The following PSMB2 variants were observed in gnomAD, a reference collection of about 807,000 sequenced individuals.
The protein encoded by PSMB2 is proteasome 20S subunit beta 2.
A neutral mutation model predicts 25.7 loss-of-function variants in PSMB2; 13 were observed. The observed-to-expected ratio is 0.51, with a 90% CI of 0.33 to 0.80. The LOEUF (loss-of-function observed/expected upper bound fraction) is 0.80. Ranked by LOEUF, PSMB2 falls within the 30% of genes least tolerant of loss-of-function variation. The probability of loss-of-function intolerance (pLI) is 0.02; values close to 1 mark genes in which losing one functional copy is unlikely to be tolerated. For synonymous variants in PSMB2, 87 were observed against 96.2 expected (o/e 0.90, Z 0.56); for missense variants, 202 against 259.0 (o/e 0.78, Z 1.51).
intron 2 of PSMB2, 55 bp downstream of exon 2, chr1:35,636,255 G>C (rs1369464212): frequency 2.6e-5 from 42 of 1,602,488 alleles, no homozygotes; most frequent in Non-Finnish European, 3.5e-5. Context: ...TGTGACTTTA[G>C]TAATGGCAGC....
At chr1:35,623,049 G>T (rs1172626660) in intron 3 of PSMB2, among the ~76,000 whole-genome samples, 3 of 152,152 alleles carry the variant, frequency 2.0e-5, no homozygotes, top group African/African-American at 7.2e-5. Flanking sequence ...AGCACAAAGT[G>T]TTGTCATATT....
chr1:35,638,402 G>C (rs1651304768), intron 1 of PSMB2, among the ~76,000 whole-genome samples: 1 of 152,174 alleles, frequency 6.6e-6, no homozygotes, highest in African/African-American at 2.4e-5. Flanking sequence ...AACTGAACTA[G>C]AATCCAAGAG....
chr1:35,604,712 G>A (rs543102025), intron 5 of PSMB2, among the ~76,000 whole-genome samples: 6 of 152,222 alleles, frequency 3.9e-5, no homozygotes, highest in East Asian at 3.9e-4. Context: ...ACCCAGAGGC[G>A]GAGGTTGCAG....
intron 3 of PSMB2, among the ~76,000 whole-genome samples, chr1:35,630,074 T>C (rs547586829): frequency 6.6e-6 from 1 of 152,030 alleles, no homozygotes; most frequent in African/African-American, 2.4e-5. Context: ...ACTTGGGAAA[T>C]GGAGGCAGGA....
intron 3 of PSMB2, among the ~76,000 whole-genome samples, chr1:35,621,273 G>A (rs761160631): frequency 1.3e-5 from 2 of 152,146 alleles, no homozygotes; most frequent in Non-Finnish European, 2.9e-5. Flanking sequence ...AGTACCCTGT[G>A]TATATGGCTA....
At chr1:35,631,542 G>A in intron 2 of PSMB2, 198 bp from the exon 3 acceptor site, 1 of 1,367,312 alleles carries the variant, frequency 7.3e-7, no homozygotes. Context: ...AGTACTGACA[G>A]CAATTCTTGG....
chr1:35,604,223 T>C lies in PSMB2; in HGVS notation c.499-849A>G, dbSNP rs540241506. Among the ~76,000 whole-genome samples the C allele has an allele frequency of 2.6e-5, 4 of 152,288 alleles. No individual in the cohort carries two copies. The East Asian group carries it at 7.7e-4, about 29-fold the overall frequency. ...TGAAAAAAACTAATGTGGCTGGTTT[T>C]TGACCTCCCCATTCCCCCATTCTCC... On this transcript the variant is annotated intron_variant, in intron 5 of 5. Transcript: ENST00000373237.
chr1:35,638,581 A>G (rs1290386743), intron 1 of PSMB2, among the ~76,000 whole-genome samples: 2 of 152,226 alleles, frequency 1.3e-5, no homozygotes, highest in Non-Finnish European at 2.9e-5. Context: ...AATTCTATAC[A>G]TGTCCAATAT....
At chr1:35,630,257 G>C (rs1277981684) in intron 3 of PSMB2, among the ~76,000 whole-genome samples, 1 of 152,108 alleles carries the variant, frequency 6.6e-6, no homozygotes, top group Non-Finnish European at 1.5e-5. Flanking sequence ...TCAGTCACAG[G>C]TATTAAGTAA....
At chr1:35,628,591 AAAAAAATAT>A (rs1251268398) in intron 3 of PSMB2, among the ~76,000 whole-genome samples, 207 of 21,952 alleles carry the variant, frequency 9.4e-3, no homozygotes, top group African/African-American at 0.04. Flanking sequence ...AAAAAAAAAA[AAAAAAATAT>A]ATATATATAT....
rs557767756 is a variant in PSMB2, at chr1:35,618,816, C to T, written c.286-9408G>A. On this transcript the variant is annotated intron_variant, in intron 3 of 5. Transcript: ENST00000373237. ...AGTACAAATGTAAACTGATCAAAATCAGAATACTATAATGAGCTTCACAAA... is the reference window on the plus strand; with the variant it reads ...AGTACAAATGTAAACTGATCAAAATTAGAATACTATAATGAGCTTCACAAA... 2.0e-5 allele frequency among the ~76,000 whole-genome samples: 3 copies of T among 152,298 alleles called. No homozygotes were observed. The South Asian group carries it at 6.2e-4, about 32-fold the overall frequency.
At chr1:35,619,552 G>C (rs1464801939) in intron 3 of PSMB2, among the ~76,000 whole-genome samples, 1 of 152,188 alleles carries the variant, frequency 6.6e-6, no homozygotes, top group Non-Finnish European at 1.5e-5. Context: ...CCTGGAAGAA[G>C]ACTTGCTAAG....
intron 3 of PSMB2, among the ~76,000 whole-genome samples, chr1:35,625,827 G>C (rs1650844293): frequency 6.6e-6 from 1 of 151,808 alleles, no homozygotes; most frequent in African/African-American, 2.4e-5. Flanking sequence ...AAACTGTAAG[G>C]AGAATTTGAG....
At chr1:35,628,618 TATATA>T (rs1650977885) in intron 3 of PSMB2, among the ~76,000 whole-genome samples, 3 of 52,344 alleles carry the variant, frequency 5.7e-5, no homozygotes, top group African/African-American at 2.3e-4. Flanking sequence ...TATATATATA[TATATA>T]TATATATATT....
chr1:35,605,306 A>G, intron 4 of PSMB2, 24 bp from the exon 5 acceptor site: 1 of 1,607,248 alleles, frequency 6.2e-7, no homozygotes, highest in Non-Finnish European at 8.5e-7. Context: ...CAGAGACCAA[A>G]TACTTCCGGT....
At chr1:35,620,184 T>C (rs889410903) in intron 3 of PSMB2, among the ~76,000 whole-genome samples, 7 of 152,224 alleles carry the variant, frequency 4.6e-5, no homozygotes, top group Non-Finnish European at 7.3e-5. Flanking sequence ...AAGATGGTCT[T>C]CTAGAAAAGA....
In PSMB2 at chr1:35,602,063, T is replaced by C; in HGVS notation, c.*1204A>G. On this transcript the variant is annotated 3_prime_UTR_variant, in exon 6 of 6. Transcript: ENST00000373237. ...AAAAATACTTTTTAGCCGGGCACGG[T>C]GGCTCACGCCTGTAATCCCAGCACT... 1 of 557,420 alleles carries C rather than the reference T, an allele frequency of 1.8e-6. No individual in the cohort carries two copies. Among genetic ancestry groups the C allele is most frequent in the Non-Finnish European group, 2.3e-6 (1 of 439,448 alleles). 34.5% of individuals were successfully genotyped at this position (557,420 alleles called of 1,614,324 possible).
chr1:35,639,964 G>T (rs1041667245), intron 1 of PSMB2, among the ~76,000 whole-genome samples: 3 of 151,954 alleles, frequency 2.0e-5, no homozygotes, highest in African/African-American at 7.3e-5. Context: ...TTAGCTCTAG[G>T]GCACGGAGTT....
chr1:35,628,596 A>AAATATATAT (rs59538661), intron 3 of PSMB2, among the ~76,000 whole-genome samples: 24 of 25,112 alleles, frequency 9.6e-4, no homozygotes, highest in Non-Finnish European at 1.4e-3. Flanking sequence ...AAAAAAAAAA[A>AAATATATAT]ATATATATAT....
Sources: allele counts gnomAD v4.1 joint callset (sites outside exome capture counted in the v4.1 genomes callset), GRCh38; gene constraint gnomAD v4.1.1; transcripts MANE v1.5; gene names NCBI Gene and HGNC (gene_info 2026-07-23, HGNC 2026-07-21).